Variants in MACROD2 observed in about 807,000 individuals in gnomAD.
The protein encoded by MACROD2 is ADP-ribose glycohydrolase MACROD2.
MACROD2 carries 36 observed loss-of-function variants against 70.4 expected under a neutral mutation model. The observed-to-expected ratio is 0.51, with a 90% CI of 0.39 to 0.68. The LOEUF is 0.68. Ranked by LOEUF, MACROD2 falls within the 30% of genes least tolerant of loss-of-function variation. The pLI, the probability that MACROD2 is intolerant of heterozygous loss-of-function variation, is 0.00. For missense variants in MACROD2, 496 were observed against 538.4 expected (o/e 0.92, Z 0.78); for synonymous variants, 172 against 178.8 (o/e 0.96, Z 0.30).
intron 5 of MACROD2, among the ~76,000 whole-genome samples, chr20:15,040,117 T>A (rs979336511): frequency 1.3e-5 from 2 of 152,074 alleles, no homozygotes; most frequent in African/African-American, 4.8e-5. Context: ...TTGAAGTACC[T>A]TGATTGGCTA....
intron 5 of MACROD2, among the ~76,000 whole-genome samples, chr20:15,219,708 G>A (rs1222337099): frequency 6.6e-6 from 1 of 152,094 alleles, no homozygotes; most frequent in Non-Finnish European, 1.5e-5. Context: ...CAATTTCAGA[G>A]AGAAATCAGA....
chr20:14,175,111 C>T (rs2081253345), intron 3 of MACROD2, among the ~76,000 whole-genome samples: 1 of 152,140 alleles, frequency 6.6e-6, no homozygotes, highest in Non-Finnish European at 1.5e-5. Flanking sequence ...TGGTATGTTC[C>T]TGCCATAGTT....
At chr20:15,822,417 T>C (rs2063948627) in intron 8 of MACROD2, among the ~76,000 whole-genome samples, 1 of 152,216 alleles carries the variant, frequency 6.6e-6, no homozygotes, top group African/African-American at 2.4e-5. Context: ...GGATAGTTAA[T>C]GAAATAGTTA....
intron 6 of MACROD2, among the ~76,000 whole-genome samples, chr20:15,427,312 A>G (rs1399531144): frequency 6.6e-6 from 1 of 152,172 alleles, no homozygotes; most frequent in Admixed American, 6.5e-5. Flanking sequence ...CTCAATTACT[A>G]AGTTGCATGA....
At chr20:15,835,354 T>C (rs2064102254) in intron 8 of MACROD2, among the ~76,000 whole-genome samples, 2 of 152,086 alleles carry the variant, frequency 1.3e-5, no homozygotes, top group South Asian at 2.1e-4. Context: ...ACCAATATTA[T>C]GGAGTCAAAA....
At chr20:15,876,248 A>T (rs2064671561) in intron 9 of MACROD2, among the ~76,000 whole-genome samples, 1 of 151,682 alleles carries the variant, frequency 6.6e-6, no homozygotes, top group Admixed American at 6.6e-5. Flanking sequence ...ATATCTCCTA[A>T]TGCTATCCTT....
chr20:14,990,198 A>G (rs908984836), intron 5 of MACROD2, among the ~76,000 whole-genome samples: 1 of 152,044 alleles, frequency 6.6e-6, no homozygotes, highest in Non-Finnish European at 1.5e-5. Flanking sequence ...TATGTCAACG[A>G]ATGGGTTTTG....
At chr20:14,071,305 G>T (rs1479902785) in intron 2 of MACROD2, among the ~76,000 whole-genome samples, 2 of 116,232 alleles carry the variant, frequency 1.7e-5, no homozygotes, top group Non-Finnish European at 3.2e-5. Flanking sequence ...CTGTCGTCCA[G>T]GCCAGAGTGC....
chr20:14,295,013 A>G (rs1159747901), intron 3 of MACROD2, among the ~76,000 whole-genome samples: 1 of 151,694 alleles, frequency 6.6e-6, no homozygotes, highest in Non-Finnish European at 1.5e-5. Context: ...CCAACTTAGT[A>G]ATTATCAATT....
At chr20:14,693,325 C>T (rs2071084558) in intron 5 of MACROD2, among the ~76,000 whole-genome samples, 1 of 152,136 alleles carries the variant, frequency 6.6e-6, no homozygotes, top group Admixed American at 6.5e-5. Flanking sequence ...TTAAAGCCAT[C>T]AGAATGGCTT....
intron 7 of MACROD2, among the ~76,000 whole-genome samples, chr20:15,479,643 T>G (rs1015134935): frequency 6.6e-6 from 1 of 152,216 alleles, no homozygotes; most frequent in African/African-American, 2.4e-5. Context: ...GAAGCACTGC[T>G]GATTGGAGAT....
chr20:15,185,276 A>G (rs374919227), intron 5 of MACROD2, among the ~76,000 whole-genome samples: 69 of 152,336 alleles, frequency 4.5e-4, no homozygotes, highest in South Asian at 1.9e-3. Flanking sequence ...TCAGCTTTTA[A>G]TAGTTTAAAC....
intron 6 of MACROD2, among the ~76,000 whole-genome samples, chr20:15,258,479 C>T (rs148224081): frequency 5.3e-5 from 8 of 152,208 alleles, no homozygotes; most frequent in African/African-American, 1.9e-4. Context: ...TACACAAATA[C>T]CATTGTGTTA....
intron 7 of MACROD2, among the ~76,000 whole-genome samples, chr20:15,452,781 C>G (rs532016076): frequency 9.2e-5 from 14 of 152,152 alleles, no homozygotes; most frequent in Non-Finnish European, 1.8e-4. Flanking sequence ...ATTATTCAGA[C>G]TGTATAACTG....
chr20:15,330,944 A>G lies in MACROD2; in HGVS notation c.541-100461A>G, dbSNP rs368844440. On this transcript the variant is annotated intron_variant, in intron 6 of 17. Transcript: ENST00000684519. ...TGGCTATCTCTTACTTGTGGCTTGC[A>G]TAAAAGCCTCTACGTGCACTGCTGT... Among the ~76,000 whole-genome samples, 9 of 151,786 alleles carry G rather than the reference A, an allele frequency of 5.9e-5. No individual in the cohort carries two copies. In the East Asian group the frequency reaches 1.4e-3, roughly 23 times the overall value.
chr20:14,736,947 C>CT (rs1000932500), intron 5 of MACROD2, among the ~76,000 whole-genome samples: 12 of 151,360 alleles, frequency 7.9e-5, no homozygotes, highest in South Asian at 4.2e-4. Context: ...TCACCATTGT[C>CT]TTTTTTTTTA....
At chr20:14,621,085 A>G (rs1252019079) in intron 4 of MACROD2, among the ~76,000 whole-genome samples, 1 of 152,122 alleles carries the variant, frequency 6.6e-6, no homozygotes, top group Non-Finnish European at 1.5e-5. Flanking sequence ...AAGGCACTTA[A>G]TCACTTTAGA....
At chr20:15,447,366 C>T (rs1429354940) in intron 7 of MACROD2, among the ~76,000 whole-genome samples, 1 of 152,184 alleles carries the variant, frequency 6.6e-6, no homozygotes, top group Non-Finnish European at 1.5e-5. Flanking sequence ...GCTGTTTCCA[C>T]TTCGTGTTCT....
At chr20:15,097,882 G>T (rs979660871) in intron 5 of MACROD2, among the ~76,000 whole-genome samples, 1 of 152,190 alleles carries the variant, frequency 6.6e-6, no homozygotes, top group Non-Finnish European at 1.5e-5. Flanking sequence ...AGAAGTCTTT[G>T]CAGGAGAATA....
Sources: gnomAD v4.1 joint callset for allele counts (sites outside exome capture counted in the v4.1 genomes callset) on GRCh38, gnomAD v4.1.1 for gene constraint, MANE v1.5 for transcripts, NCBI Gene and HGNC (gene_info 2026-07-23, HGNC 2026-07-21) for gene names.